Variants in SHISA7 observed in about 807,000 individuals in gnomAD.
SHISA7 encodes shisa family member 7.
A neutral mutation model predicts 23.9 loss-of-function variants in SHISA7; 6 were observed. That is an observed-to-expected ratio of 0.25 (90% CI 0.14 to 0.50). The LOEUF is 0.50. Among genes scored for constraint, SHISA7 ranks in the 20% least tolerant of loss-of-function variants. SHISA7 has a pLI of 0.98. For synonymous variants in SHISA7, 386 were observed against 398.3 expected, an observed-to-expected ratio of 0.97 and a Z score of 0.37; for missense variants, 671 against 801.1, an observed-to-expected ratio of 0.84 and a Z score of 1.96.
intron 2 of SHISA7, chr19:55,438,721 G>T (rs538124721): frequency 1.9e-6 from 2 of 1,062,428 alleles, no homozygotes; most frequent in Non-Finnish European, 2.6e-6. Flanking sequence ...TGGCCCCAAG[G>T]TCGGCCCCAC....
chr19:55,438,379 T>C (rs1197470294), intron 2 of SHISA7, among the ~76,000 whole-genome samples: 1 of 152,244 alleles, frequency 6.6e-6, no homozygotes, highest in East Asian at 1.9e-4. Flanking sequence ...GATGACCACT[T>C]TTGGCATCCA....
Position 55,440,642 on chromosome 19 carries a change from G to A in SHISA7, c.795C>T (p.Asn265=). 1.6e-6 allele frequency: 2 copies of A among 1,249,826 alleles called. No individual in the cohort carries two copies. Among genetic ancestry groups the A allele is most frequent in the African/African-American group, 1.5e-5 (1 of 64,612 alleles). The allele number at this position is 1,249,826 out of a possible 1,614,324, so 77.4% of individuals were successfully genotyped here. A position where few individuals can be genotyped will look rare whatever the true frequency, so the allele number is the denominator to read the frequency against. ...PDSMPPRTPK[N]LYNTVKTPNL... ...TGGGGGTCTTCACGGTGTTGTAGAG[G>A]TTCTTGGGCGTCCTGGGGGGCATGC... is the stretch of plus-strand genomic sequence containing the variant. Residue 265 remains asparagine (N), a synonymous_variant, in exon 2 of 4, where the codon AAC becomes AAT. Coordinates refer to ENST00000376325, the MANE Select transcript of SHISA7 (RefSeq NM_001145176.2).
rs771028711 is a variant in SHISA7 at position 55,435,766 on chromosome 19, T to TAA, written c.976+1837_976+1838dup. On this transcript the variant is annotated intron_variant, in intron 3 of 3. Transcript: ENST00000376325. The stretch of plus-strand genomic sequence containing the variant: ...GCAAAAGAGTGAGACCTTGTCTCGT[T>TAA]AAAAAAAAAAAAAAGGATCCACCAA... Among the ~76,000 whole-genome samples the TAA allele has an allele frequency of 7.4e-3, 966 of 130,454 alleles. 7 individuals are homozygous for TAA. The highest frequency in any genetic ancestry group is 0.026 in the African/African-American group (911 of 35,372). The allele number at this position is 130,454 out of a possible 152,430, so 85.6% of individuals were successfully genotyped here.
In SHISA7 at chr19:55,431,542, T is replaced by TA. The variant is rs1317730486; in HGVS notation, c.*1613dup. ...CATGGTAAATCCTGGAAGAAGATGA[T>TA]ACCATAGTTGTGGGTCATAGGTAAT... is the stretch of plus-strand genomic sequence containing the variant. On this transcript the variant is annotated 3_prime_UTR_variant, in exon 4 of 4. Transcript: ENST00000376325. 6.6e-6 allele frequency: 1 copy of TA among 152,130 alleles called. No homozygotes were observed. The highest frequency in any genetic ancestry group is 1.5e-5 in the Non-Finnish European group (1 of 68,012). The allele number at this position is 152,130 out of a possible 1,614,324, so 9.4% of individuals were successfully genotyped here. A position where few individuals can be genotyped will look rare whatever the true frequency, so the allele number is the denominator to read the frequency against.
chr19:55,437,428 A>G (rs1787668444), intron 3 of SHISA7, among the ~76,000 whole-genome samples, 177 bp downstream of exon 3: 1 of 152,190 alleles, frequency 6.6e-6, no homozygotes, highest in South Asian at 2.1e-4. Flanking sequence ...TTAAAAAAAA[A>G]TCAGAAGTGA....
rs1375685766 is a variant in SHISA7, at chr19:55,442,392, C to G, written c.472G>C (p.Gly158Arg). The G allele has an allele frequency of 5.1e-6, 7 of 1,362,120 alleles. No individual in the cohort carries two copies. In the East Asian group the frequency reaches 2.2e-4, roughly 43 times the overall value. 84.4% of individuals were successfully genotyped at this position (1,362,120 alleles called of 1,614,324 possible). Residue 158 changes from glycine to arginine, a missense_variant, in exon 1 of 4, where the codon GGG becomes CGG. This residue lies in a region of SHISA7 where 59 missense variants were observed against 57.2 expected (regional missense o/e 1.03). Coordinates refer to ENST00000376325, the MANE Select transcript of SHISA7 (RefSeq NM_001145176.2). ...GGAGGAGGGP[G>R]PGQAGWLEGG... ...TCCAACCACCCGGCCTGGCCGGGCC[C>G]TGGCCCCCCGCCCGCACCCCCAGCG...
chr19:55,431,364 A>G lies in SHISA7; in HGVS notation c.*1792T>C, dbSNP rs867162493. ...CAGGTGTAGTGGATTCTGGAAGGTA[A>G]TGTCATCACTGGTCATGGTGGAATC... On this transcript the variant is annotated 3_prime_UTR_variant, in exon 4 of 4. Transcript: ENST00000376325. 6.6e-6 allele frequency: 1 copy of G among 151,764 alleles called. No individual in the cohort carries two copies. The highest frequency in any genetic ancestry group is 1.5e-5 in the Non-Finnish European group (1 of 67,940). 9.4% of individuals were successfully genotyped at this position (151,764 alleles called of 1,614,324 possible).
At chr19:55,434,720 TTG>T (rs1183755219) in intron 3 of SHISA7, among the ~76,000 whole-genome samples, 3 of 71,566 alleles carry the variant, frequency 4.2e-5, no homozygotes, top group South Asian at 5.1e-4. Flanking sequence ...GGGTGTGTGG[TTG>T]TGTGGTGTGT....
chr19:55,440,832 C>G, intron 1 of SHISA7, 67 bp from the exon 2 acceptor site: 1 of 1,217,684 alleles, frequency 8.2e-7, no homozygotes, highest in East Asian at 3.2e-5. Context: ...AGGAAGGCTT[C>G]TTTCCGCTCC....
Position 55,437,586 on chromosome 19 carries a change from T to G in SHISA7, c.976+19A>C. 1 of 1,548,168 alleles carries G rather than the reference T, an allele frequency of 6.5e-7. No homozygotes were observed. The highest frequency in any genetic ancestry group is 8.7e-7 in the Non-Finnish European group (1 of 1,144,994). ...CGCCCCCTCCCCTTCACCGCCGCGCTGCCCTTGCCAGGACTCACCCAGCCT... is the reference window on the plus strand; with the variant it reads ...CGCCCCCTCCCCTTCACCGCCGCGCGGCCCTTGCCAGGACTCACCCAGCCT... On this transcript the variant is annotated intron_variant, in intron 3 of 3. Coordinates refer to ENST00000376325, the MANE Select transcript of SHISA7 (RefSeq NM_001145176.2).
intron 1 of SHISA7, 60 bp downstream of exon 1, chr19:55,442,133 C>T: frequency 6.9e-7 from 1 of 1,452,494 alleles, no homozygotes; most frequent in African/African-American, 1.5e-5. Flanking sequence ...CGGATGGCTC[C>T]ACCTCCCTTG....
In SHISA7 at chr19:55,442,488, C is replaced by T. The variant is rs1267551184; in HGVS notation, c.376G>A (p.Ala126Thr). ...CEHRHMRLAQ[A>T]SCSNYDTPRW... ...GGCGTGTCGTAGTTGGAGCAGGAGG[C>T]CTGCGCCAGGCGCATGTGACGGTGC... The change falls in exon 1 of 4, where the codon GCC becomes ACC. Residue 126 changes from alanine (A) to threonine (T), a missense_variant. Coordinates refer to ENST00000376325, the MANE Select transcript of SHISA7 (RefSeq NM_001145176.2). 4 of 1,470,768 alleles carry T rather than the reference C, an allele frequency of 2.7e-6. No homozygotes were observed. Among genetic ancestry groups the T allele is most frequent in the Non-Finnish European group, 3.6e-6 (4 of 1,109,828 alleles). The allele number at this position is 1,470,768 out of a possible 1,614,324, so 91.1% of individuals were successfully genotyped here.
chr19:55,433,093 C>G lies in SHISA7; in HGVS notation c.*63G>C, dbSNP rs925156012. 6 of 1,469,350 alleles carry G rather than the reference C, an allele frequency of 4.1e-6. No homozygotes were observed. The South Asian group carries it at 7.9e-5, about 19-fold the overall frequency. 91.0% of individuals were successfully genotyped at this position (1,469,350 alleles called of 1,614,324 possible). ...GCCCCTGGCATGTGTGCGCCTGTGT[C>G]GGGGGATCCAGGCTGGGACGGGGGG... On this transcript the variant is annotated 3_prime_UTR_variant, in exon 4 of 4. Transcript: ENST00000376325. This position sits in a 1 kb window ranked among gnomAD's most constrained non-coding sequence, Gnocchi z 8.4.
rs562026468 is a variant in SHISA7, at chr19:55,442,638, G to A, written c.226C>T (p.Pro76Ser). 8.0e-4 allele frequency: 1,088 copies of A among 1,355,894 alleles called. 20 individuals are homozygous for A. In the South Asian group the frequency reaches 0.011, roughly 14 times the overall value. The allele number at this position is 1,355,894 out of a possible 1,614,324, so 84.0% of individuals were successfully genotyped here. The stretch of plus-strand genomic sequence containing the variant: ...CCGTGGCAGAGCTCGGCGGGAGGGG[G>A]CGCCCGGGCCGCCGCGCCCGCCCCG... ...AGGAGAAARAPPPAELCHGYY... is the reference protein window; with the variant it reads ...AGGAGAAARASPPAELCHGYY... Residue 76 changes from proline (P) to serine (S), a missense_variant, in exon 1 of 4, where the codon CCC becomes TCC. By Grantham distance (74) the Pro-to-Ser change is moderately conservative (BLOSUM62 -1). Transcript: ENST00000376325.
intron 3 of SHISA7, among the ~76,000 whole-genome samples, chr19:55,435,366 T>TGTGTGTGTGGTATATATGTG (rs1985428560): frequency 3.0e-5 from 3 of 98,514 alleles, no homozygotes; most frequent in African/African-American, 1.2e-4. Context: ...GTGTGTGTGG[T>TGTGTGTGTGGTATATATGTG]GTGTGTGTGG....
chr19:55,440,527 T>A (rs1985572910), intron 2 of SHISA7, 84 bp downstream of exon 2: 1 of 1,203,978 alleles, frequency 8.3e-7, no homozygotes, highest in Admixed American at 4.2e-5. Context: ...GCGATGGGGG[T>A]GGAGCCGCCA....
In SHISA7 at chr19:55,442,873, A is replaced by AG. The variant is rs1985629788; in HGVS notation, c.-11dup. 3 of 1,342,926 alleles carry AG rather than the reference A, an allele frequency of 2.2e-6. No homozygotes were observed. The highest frequency in any genetic ancestry group is 3.8e-5 in the Admixed American group (1 of 26,280). 83.2% of individuals were successfully genotyped at this position (1,342,926 alleles called of 1,614,324 possible). On this transcript the variant is annotated 5_prime_UTR_variant, in exon 1 of 4. Coordinates refer to ENST00000376325, the MANE Select transcript of SHISA7 (RefSeq NM_001145176.2). ...GCAGGAGGGCCGGCATGGGGCTTGCAGGGGGTCGCACTGGGCCGCCAGGCT... is the reference window on the plus strand; with the variant it reads ...GCAGGAGGGCCGGCATGGGGCTTGCAGGGGGGTCGCACTGGGCCGCCAGGCT...
Position 55,431,463 on chromosome 19 carries a change from G to T in SHISA7, c.*1693C>A, listed in dbSNP as rs1460013650. The T allele has an allele frequency of 6.6e-6, 1 of 152,112 alleles. No individual in the cohort carries two copies. The highest frequency in any genetic ancestry group is 1.9e-4 in the East Asian group (1 of 5,192). The allele number at this position is 152,112 out of a possible 1,614,324, so 9.4% of individuals were successfully genotyped here. A position where few individuals can be genotyped will look rare whatever the true frequency, so the allele number is the denominator to read the frequency against. ...CACCATGGTTGTGAGGAATCATGGA[G>T]GATGGTGACACCATTGGCTATGGGG... On this transcript the variant is annotated 3_prime_UTR_variant, in exon 4 of 4. Transcript: ENST00000376325.
In SHISA7 at chr19:55,442,634, G is replaced by A; in HGVS notation, c.230C>T (p.Pro77Leu). 7.4e-7 allele frequency: 1 copy of A among 1,360,180 alleles called. No individual in the cohort carries two copies. Among genetic ancestry groups the A allele is most frequent in the South Asian group, 1.5e-5 (1 of 67,414 alleles). The allele number at this position is 1,360,180 out of a possible 1,614,324, so 84.3% of individuals were successfully genotyped here. Residue 77 changes from proline to leucine, a missense_variant, in exon 1 of 4, where the codon CCT becomes CTT. Coordinates refer to ENST00000376325, the MANE Select transcript of SHISA7 (RefSeq NM_001145176.2). ...GTAGCCGTGGCAGAGCTCGGCGGGA[G>A]GGGGCGCCCGGGCCGCCGCGCCCGC... Reference protein sequence around the residue: ...GGAGAAARAPPPAELCHGYYD... With the variant: ...GGAGAAARAPLPAELCHGYYD...
Sources: allele counts gnomAD v4.1 joint callset (sites outside exome capture counted in the v4.1 genomes callset), GRCh38; gene constraint gnomAD v4.1.1; regional missense constraint gnomAD v4.1.1; non-coding constraint Gnocchi (gnomAD v3.1); transcripts MANE v1.5; gene names NCBI Gene and HGNC (gene_info 2026-07-23, HGNC 2026-07-21).